TLL1: variants seen among roughly 807,000 people sequenced by gnomAD.
TLL1 encodes the protein tolloid like 1.
A neutral mutation model predicts 128.2 loss-of-function variants in TLL1; 49 were observed. The observed-to-expected ratio is 0.38, with a 90% confidence interval of 0.30 to 0.48. The LOEUF (loss-of-function observed/expected upper bound fraction) is 0.48, where lower values mean the gene tolerates loss of function less well. Among genes scored for constraint, TLL1 ranks in the 20% least tolerant of loss-of-function variants. TLL1 has a pLI of 0.96. For synonymous variants in TLL1, 454 were observed against 418.8 expected, an observed-to-expected ratio of 1.08 and a Z score of -1.03; for missense variants, 1,123 against 1,242.0, an observed-to-expected ratio of 0.90 and a Z score of 1.44.
At chr4:165,901,467 CTGTT>C (rs1338883543) in intron 1 of TLL1, among the ~76,000 whole-genome samples, 2 of 152,178 alleles carry the variant, frequency 1.3e-5, no homozygotes, top group Non-Finnish European at 2.9e-5. Flanking sequence ...CTAATCCTTT[CTGTT>C]TGTTAGTTTT....
At chr4:165,973,192 G>C (rs1735706386) in intron 1 of TLL1, among the ~76,000 whole-genome samples, 1 of 152,086 alleles carries the variant, frequency 6.6e-6, no homozygotes, top group Non-Finnish European at 1.5e-5. Context: ...CTGCAAGCTA[G>C]GGATGAAAGA....
intron 8 of TLL1, among the ~76,000 whole-genome samples, chr4:166,020,904 C>A (rs1738197538): frequency 6.6e-6 from 1 of 152,188 alleles, no homozygotes; most frequent in Middle Eastern, 3.4e-3. Flanking sequence ...ATATGTACAA[C>A]CTATGTTCCC....
In TLL1 at chr4:165,874,015, T is replaced by G. The variant is rs748676817; in HGVS notation, c.111T>G (p.Phe37Leu). ...CTGGCCTCGATTATGATTACACTTT[T>G]GATGGGAACGAAGAGGATAAAACAG... The part of the protein sequence containing the change: ...VCAGLDYDYT[F>L]DGNEEDKTET... The change falls in exon 1 of 21, where the codon TTT becomes TTG. Residue 37 changes from phenylalanine (F) to leucine (L), a missense_variant. By Grantham distance (22) the Phe-to-Leu change is conservative. Coordinates refer to ENST00000061240, the MANE Select transcript of TLL1 (RefSeq NM_012464.5). 1.2e-6 allele frequency: 2 copies of G among 1,614,144 alleles called. No homozygotes were observed. Among genetic ancestry groups the G allele is most frequent in the Non-Finnish European group, 1.7e-6 (2 of 1,180,018 alleles).
chr4:165,919,162 A>G (rs76993478), intron 1 of TLL1, among the ~76,000 whole-genome samples: 3,132 of 152,118 alleles, frequency 0.021, 53 homozygotes, highest in Non-Finnish European at 0.028. Flanking sequence ...GAGGAGGATC[A>G]CTGGAGCCCA....
chr4:166,056,471 C>G (rs1375879222), intron 13 of TLL1, among the ~76,000 whole-genome samples: 1 of 150,752 alleles, frequency 6.6e-6, no homozygotes, highest in Non-Finnish European at 1.5e-5. Flanking sequence ...ATGGGGTTAT[C>G]ATATTTTCTG....
intron 1 of TLL1, among the ~76,000 whole-genome samples, chr4:165,959,956 C>T (rs544070599): frequency 5.3e-5 from 8 of 151,924 alleles, no homozygotes; most frequent in East Asian, 1.9e-4. Context: ...CAAACTAACC[C>T]GAAAGGTAAC....
rs1736711074 is a variant in TLL1, at chr4:165,992,896, T to C, written c.361+12T>C. The C allele has an allele frequency of 6.2e-7, 1 of 1,608,480 alleles. No homozygotes were observed. The highest frequency in any genetic ancestry group is 8.5e-7 in the Non-Finnish European group (1 of 1,175,292). On this transcript the variant is annotated intron_variant, in intron 3 of 20. Transcript: ENST00000061240. ...AAGAATTGGCTTTGGTATATCAATG[T>C]TTAAAGTTGCAGACGCTTGACTTGA... is the stretch of plus-strand genomic sequence containing the variant.
intron 18 of TLL1, among the ~76,000 whole-genome samples, chr4:166,082,803 G>A (rs775202032): frequency 5.9e-5 from 9 of 151,782 alleles, no homozygotes; most frequent in Non-Finnish European, 8.8e-5. Flanking sequence ...TCAGCCTCCC[G>A]AGTAGCTGGA....
At chr4:166,073,215 G>A (rs545215464) in intron 16 of TLL1, among the ~76,000 whole-genome samples, 4 of 152,058 alleles carry the variant, frequency 2.6e-5, no homozygotes, top group Non-Finnish European at 5.9e-5. Flanking sequence ...ACAAATTCAC[G>A]CAATTTACTG....
chr4:166,011,521 TTG>T (rs368017262), intron 7 of TLL1, among the ~76,000 whole-genome samples: 4 of 151,452 alleles, frequency 2.6e-5, no homozygotes, highest in African/African-American at 7.3e-5. Context: ...CTAACGGATT[TTG>T]TGTGTGTGTG....
chr4:166,034,240 C>G (rs913569137), intron 9 of TLL1, among the ~76,000 whole-genome samples: 1 of 152,058 alleles, frequency 6.6e-6, no homozygotes, highest in African/African-American at 2.4e-5. Flanking sequence ...AAGATCCATG[C>G]ATGACTGAAG....
At chr4:165,900,931 A>C (rs573061166) in intron 1 of TLL1, among the ~76,000 whole-genome samples, 4 of 152,082 alleles carry the variant, frequency 2.6e-5, no homozygotes, top group African/African-American at 9.6e-5. Context: ...GGCTTTGTTC[A>C]TTCCTTTTCA....
chr4:165,894,901 T>C (rs1342954533), intron 1 of TLL1, among the ~76,000 whole-genome samples: 1 of 151,590 alleles, frequency 6.6e-6, no homozygotes, highest in Non-Finnish European at 1.5e-5. Context: ...ATTAACAGTT[T>C]AAATGTAAAA....
intron 1 of TLL1, among the ~76,000 whole-genome samples, chr4:165,925,429 ATAGT>A (rs1034963992): frequency 1.3e-5 from 2 of 152,184 alleles, no homozygotes; most frequent in African/African-American, 4.8e-5. Context: ...TGTGATGGAA[ATAGT>A]TAGAGAACTA....
intron 5 of TLL1, 46 bp from the exon 6 acceptor site, chr4:166,003,345 C>T (rs1413410663): frequency 3.7e-6 from 6 of 1,603,954 alleles, no homozygotes; most frequent in Non-Finnish European, 5.1e-6. Flanking sequence ...GTCAGTTGTC[C>T]AGCACCACCT....
At chr4:165,889,719 G>C (rs1482062068) in intron 1 of TLL1, among the ~76,000 whole-genome samples, 1 of 152,120 alleles carries the variant, frequency 6.6e-6, no homozygotes, top group African/African-American at 2.4e-5. Context: ...GATACTTATT[G>C]CATTCTGTTT....
At position 166,003,433 on chromosome 4, in the gene TLL1, A is replaced by G. The variant is rs778497182; in HGVS notation, c.675A>G (p.Ala225=). Residue 225 remains alanine (A), a synonymous_variant, in exon 6 of 21, where the codon GCA becomes GCG. Transcript: ENST00000061240. ...GTCGGCGAGGAAATGGACCTCAGGC[A>G]ATCTCTATCGGCAAGAACTGTGATA... The part of the protein sequence containing the change: ...YVGRRGNGPQ[A]ISIGKNCDKF... 3.1e-6 allele frequency: 5 copies of G among 1,614,048 alleles called. No homozygotes were observed. In the South Asian group the frequency reaches 3.3e-5, roughly 11 times the overall value.
chr4:165,971,734 A>G (rs1279642863), intron 1 of TLL1, among the ~76,000 whole-genome samples: 1 of 152,072 alleles, frequency 6.6e-6, no homozygotes, highest in Admixed American at 6.5e-5. Context: ...AAATTTTTTA[A>G]AAATTTTAGA....
intron 18 of TLL1, 152 bp from the exon 19 acceptor site, chr4:166,090,976 T>G: frequency 2.0e-6 from 1 of 492,134 alleles, no homozygotes; most frequent in South Asian, 2.5e-5. Flanking sequence ...ACATATTTTA[T>G]TGATTTCACC....
Sources: allele counts gnomAD v4.1 joint callset (sites outside exome capture counted in the v4.1 genomes callset), GRCh38; gene constraint gnomAD v4.1.1; transcripts MANE v1.5; gene names NCBI Gene and HGNC (gene_info 2026-07-23, HGNC 2026-07-21).